Variants in PRKN observed in about 807,000 individuals in gnomAD.
PRKN encodes the protein E3 ubiquitin-protein ligase parkin.
PRKN carries 56 observed loss-of-function variants against 59.5 expected under a neutral mutation model. That is an observed-to-expected ratio of 0.94 (90% confidence interval 0.76 to 1.18). PRKN has a LOEUF of 1.18. Ranked by LOEUF, PRKN falls within the 50% of genes most tolerant of loss-of-function variation. The pLI is 0.00. For synonymous variants in PRKN, 250 were observed against 222.1 expected (o/e 1.13, Z -1.12); for missense variants, 657 against 596.4 (o/e 1.10, Z -1.06).
chr6:162,488,591 C>T (rs570917613), intron 1 of PRKN, among the ~76,000 whole-genome samples: 1 of 152,290 alleles, frequency 6.6e-6, no homozygotes, highest in South Asian at 2.1e-4. Flanking sequence ...TGGGGTCAGA[C>T]AGCCACTGAC....
intron 9 of PRKN, among the ~76,000 whole-genome samples, chr6:161,500,881 T>TTTC (rs1013706024): frequency 6.8e-6 from 1 of 147,708 alleles, no homozygotes; most frequent in Non-Finnish European, 1.5e-5. Flanking sequence ...TTTTTCTTTT[T>TTTC]TTTTTTTTTT....
At chr6:162,643,397 C>CAAAAAAAAAAAAAAAAAAAAAA in intron 1 of PRKN, among the ~76,000 whole-genome samples, 1 of 82,488 alleles carries the variant, frequency 1.2e-5, no homozygotes, top group Non-Finnish European at 2.2e-5. Context: ...GACTCTGCCT[C>CAAAAAAAAAAAAAAAAAAAAAA]AAAAAAAAAA....
rs758769558 is a variant in PRKN, at chr6:162,262,774, G to T, written c.172-9C>A. ...TGATCCAGGTCACAATTCTGTTTGG[G>T]AGCAAGGTAAAAAAAAAAAAAAAAA... is the stretch of plus-strand genomic sequence containing the variant. On this transcript the variant is annotated splice_polypyrimidine_tract_variant and intron_variant, in intron 2 of 11. Coordinates refer to ENST00000366898, the MANE Select transcript of PRKN (RefSeq NM_004562.3). The T allele has an allele frequency of 1.3e-6, 2 of 1,581,220 alleles. No homozygotes were observed. The highest frequency in any genetic ancestry group is 1.4e-5 in the African/African-American group (1 of 71,562).
At chr6:162,171,900 G>C (rs1783296857) in intron 4 of PRKN, among the ~76,000 whole-genome samples, 2 of 152,178 alleles carry the variant, frequency 1.3e-5, no homozygotes, top group Admixed American at 6.5e-5. Flanking sequence ...TGTTCAATGA[G>C]TTTTGTTAAA....
chr6:161,694,130 C>G, intron 7 of PRKN, among the ~76,000 whole-genome samples: 1 of 152,192 alleles, frequency 6.6e-6, no homozygotes, highest in Non-Finnish European at 1.5e-5. Flanking sequence ...TTGCATTTAA[C>G]AACAACACAA....
intron 7 of PRKN, among the ~76,000 whole-genome samples, chr6:161,701,082 T>C (rs1210445006): frequency 6.6e-6 from 1 of 152,214 alleles, no homozygotes; most frequent in Non-Finnish European, 1.5e-5. Flanking sequence ...CCTGTAAATA[T>C]ACACGTTGAT....
rs1320447942 is a variant in PRKN at position 161,525,129 on chromosome 6, A to AGG, written c.1083+23723_1083+23724dup. 1.4e-5 allele frequency among the ~76,000 whole-genome samples: 1 copy of AGG among 73,678 alleles called. No homozygotes were observed. 48.3% of individuals were successfully genotyped at this position (73,678 alleles called of 152,430 possible). On this transcript the variant is annotated intron_variant, in intron 9 of 11. Coordinates refer to ENST00000366898, the MANE Select transcript of PRKN (RefSeq NM_004562.3). The surrounding 1 kb of genome is among the most constrained non-coding windows in gnomAD (Gnocchi z 4.7). The stretch of plus-strand genomic sequence containing the variant: ...TTGACACATTCATTCATTTTCTAAA[A>AGG]GGTGTGTGTGTGTGTGTGTGTGTAT...
In PRKN at chr6:161,399,602, G is replaced by A. The variant is rs1169419781; in HGVS notation, c.1084-12725C>T. On this transcript the variant is annotated intron_variant, in intron 9 of 11. Coordinates refer to ENST00000366898, the MANE Select transcript of PRKN (RefSeq NM_004562.3). The surrounding 1 kb of genome is among the most constrained non-coding windows in gnomAD (Gnocchi z 4.4). ...TGCCTGTTGCATGTCCTGCAACCGG[G>A]GTGGGTCAGGGAACTCTCCCGTTTC... Among the ~76,000 whole-genome samples, 1 of 152,204 alleles carries A rather than the reference G, an allele frequency of 6.6e-6. No homozygotes were observed. Among genetic ancestry groups the A allele is most frequent in the Non-Finnish European group, 1.5e-5 (1 of 68,020 alleles).
At chr6:162,157,618 T>C (rs1583121832) in intron 4 of PRKN, among the ~76,000 whole-genome samples, 1 of 151,084 alleles carries the variant, frequency 6.6e-6, no homozygotes, top group South Asian at 2.1e-4. Flanking sequence ...TCAAAAGACA[T>C]CTTAAATGGC....
At chr6:162,251,991 A>T (rs1383842201) in intron 3 of PRKN, among the ~76,000 whole-genome samples, 1 of 152,212 alleles carries the variant, frequency 6.6e-6, no homozygotes, top group Non-Finnish European at 1.5e-5. Flanking sequence ...AAACTCTGAG[A>T]GTATAAATGA....
chr6:162,254,660 C>T (rs1779572919), intron 3 of PRKN, among the ~76,000 whole-genome samples: 2 of 152,042 alleles, frequency 1.3e-5, no homozygotes. Context: ...CTAACTTGTT[C>T]CTAACTGCCC....
intron 6 of PRKN, among the ~76,000 whole-genome samples, chr6:161,960,657 C>T (rs1043605562): frequency 9.2e-5 from 14 of 152,116 alleles, no homozygotes; most frequent in Admixed American, 6.6e-4. Context: ...TGTGGAGTGA[C>T]GATTAGTTAC....
chr6:162,093,890 T>G (rs186828249), intron 4 of PRKN, among the ~76,000 whole-genome samples: 2 of 152,290 alleles, frequency 1.3e-5, no homozygotes, highest in South Asian at 2.1e-4. Context: ...AGACTCAGAA[T>G]AGATGTTCAC....
intron 1 of PRKN, among the ~76,000 whole-genome samples, chr6:162,525,306 C>A (rs1198553772): frequency 1.3e-5 from 2 of 152,158 alleles, no homozygotes; most frequent in Non-Finnish European, 1.5e-5. Context: ...CAGCTGCTGT[C>A]CCCTGGGTTC....
At chr6:162,565,433 C>T (rs373725602) in intron 1 of PRKN, among the ~76,000 whole-genome samples, 38 of 152,204 alleles carry the variant, frequency 2.5e-4, no homozygotes, top group African/African-American at 7.9e-4. Flanking sequence ...TGTATAATCC[C>T]GGCACTTTGG....
At chr6:162,249,904 GGAGGCC>G (rs1370742122) in intron 3 of PRKN, among the ~76,000 whole-genome samples, 2 of 152,114 alleles carry the variant, frequency 1.3e-5, no homozygotes, top group Non-Finnish European at 2.9e-5. Context: ...CAGCACTTTG[GGAGGCC>G]GAGGCAGAGG....
At chr6:162,436,227 A>C (rs67451997) in intron 2 of PRKN, among the ~76,000 whole-genome samples, 20,399 of 149,612 alleles carry the variant, frequency 0.14, 2,261 homozygotes, top group African/African-American at 0.3. Context: ...ACCAAAAAAA[A>C]CCATGAAATT....
At chr6:162,077,706 T>C (rs1341549344) in intron 4 of PRKN, among the ~76,000 whole-genome samples, 1 of 152,032 alleles carries the variant, frequency 6.6e-6, no homozygotes, top group Non-Finnish European at 1.5e-5. Context: ...AAAATGTTTA[T>C]TTTTTATTCA....
At chr6:161,858,891 C>T (rs1226161249) in intron 6 of PRKN, among the ~76,000 whole-genome samples, 3 of 87,154 alleles carry the variant, frequency 3.4e-5, no homozygotes, top group East Asian at 8.3e-4. Context: ...GACAGAGGCT[C>T]GCTCTTGTTG....
Sources: gnomAD v4.1 joint callset for allele counts (sites outside exome capture counted in the v4.1 genomes callset) on GRCh38, gnomAD v4.1.1 for gene constraint, Gnocchi (gnomAD v3.1) non-coding constraint, MANE v1.5 for transcripts, NCBI Gene and HGNC (gene_info 2026-07-23, HGNC 2026-07-21) for gene names.